The following LTBP1 variants were observed in gnomAD, a reference collection of about 807,000 sequenced individuals.
LTBP1 encodes latent transforming growth factor beta binding protein 1.
LTBP1 carries 129 observed loss-of-function variants against 207.6 expected under a neutral mutation model. The ratio of observed to expected loss-of-function variants is 0.62; its 90% CI spans 0.54 to 0.72. The LOEUF is 0.72. Ranked by LOEUF, LTBP1 falls within the 30% of genes least tolerant of loss-of-function variation. The pLI is 0.00. For missense variants in LTBP1, 2,281 were observed against 2,217.2 expected, an observed-to-expected ratio of 1.03 and a Z score of -0.58; for synonymous variants, 963 against 833.7, an observed-to-expected ratio of 1.16 and a Z score of -2.67.
At chr2:33,372,818 C>G (rs1311327297) in intron 31 of LTBP1, among the ~76,000 whole-genome samples, 2 of 152,106 alleles carry the variant, frequency 1.3e-5, no homozygotes, top group Non-Finnish European at 2.9e-5. Flanking sequence ...GAGCGAAGAT[C>G]GTGCCACTGC....
At chr2:33,253,954 A>C (rs1295654602) in intron 11 of LTBP1, among the ~76,000 whole-genome samples, 1 of 120,102 alleles carries the variant, frequency 8.3e-6, no homozygotes, top group East Asian at 2.7e-4. Flanking sequence ...CAGTTGTGTG[A>C]TCTTGGCTCA....
chr2:33,042,270 A>G (rs1448267503), intron 3 of LTBP1, among the ~76,000 whole-genome samples: 1 of 152,230 alleles, frequency 6.6e-6, no homozygotes, highest in East Asian at 1.9e-4. Context: ...ATTAGGTTTC[A>G]AGTACATTTG....
chr2:33,389,917 C>A (rs2095301034), intron 32 of LTBP1, among the ~76,000 whole-genome samples: 2 of 152,140 alleles, frequency 1.3e-5, no homozygotes, highest in South Asian at 4.2e-4. Flanking sequence ...GGATTACAGG[C>A]ATGAGTCACC....
intron 23 of LTBP1, among the ~76,000 whole-genome samples, chr2:33,314,663 C>T (rs2094239554): frequency 1.3e-5 from 2 of 152,134 alleles, no homozygotes; most frequent in African/African-American, 2.4e-5. Flanking sequence ...TGTGAAGTGC[C>T]ATTTATGAGC....
At chr2:33,220,366 T>C (rs969148714) in intron 8 of LTBP1, among the ~76,000 whole-genome samples, 2 of 152,238 alleles carry the variant, frequency 1.3e-5, no homozygotes, top group African/African-American at 4.8e-5. Context: ...GTTCAAACTT[T>C]AGTTTTCAAG....
intron 2 of LTBP1, among the ~76,000 whole-genome samples, chr2:32,965,476 A>C (rs1250020249): frequency 6.6e-6 from 1 of 152,082 alleles, no homozygotes; most frequent in Non-Finnish European, 1.5e-5. Flanking sequence ...TGCCCTGCCT[A>C]CTCATCCCTC....
Position 33,262,782 on chromosome 2 carries a change from C to T in LTBP1, c.2479C>T (p.Pro827Ser). Reference protein sequence around the residue: ...KLEPGQPQLSPGISTIHLHPQ... With the variant: ...KLEPGQPQLSSGISTIHLHPQ... ...TGAGCCTGGTCAACCCCAGCTGTCT[C>T]CAGGCATTTCCACTATTCATCTGCA... Residue 827 changes from proline to serine, a missense_variant, in exon 14 of 34, where the codon CCA (proline) becomes TCA (serine). Pro to Ser is a moderately conservative substitution (Grantham distance 74). Coordinates refer to ENST00000404816, the MANE Select transcript of LTBP1 (RefSeq NM_206943.4). The T allele has an allele frequency of 6.2e-7, 1 of 1,606,748 alleles. No individual in the cohort carries two copies. The highest frequency in any genetic ancestry group is 8.5e-7 in the Non-Finnish European group (1 of 1,175,546).
At chr2:33,257,829 T>A (rs972501672) in intron 12 of LTBP1, among the ~76,000 whole-genome samples, 1 of 152,258 alleles carries the variant, frequency 6.6e-6, no homozygotes, top group Non-Finnish European at 1.5e-5. Context: ...TAATTTCATT[T>A]CTTGTCTAGA....
rs904269201 is a variant in LTBP1, at chr2:33,236,697, T to C, written c.1877-6965T>C. Among the ~76,000 whole-genome samples the C allele has an allele frequency of 3.9e-5, 6 of 152,296 alleles. No homozygotes were observed. The South Asian group carries it at 1.2e-3, about 32-fold the overall frequency. On this transcript the variant is annotated intron_variant, in intron 9 of 33. Transcript: ENST00000404816. Reference sequence around the variant, plus strand: ...AATGAATGGGAAGATGCCTACTGTATTATGAGTGATGAAGAAAGCCCATGA... The same window carrying C: ...AATGAATGGGAAGATGCCTACTGTACTATGAGTGATGAAGAAAGCCCATGA...
chr2:33,020,748 TC>T (rs1275796622), intron 2 of LTBP1, among the ~76,000 whole-genome samples, 160 bp from the exon 3 acceptor site: 2 of 152,196 alleles, frequency 1.3e-5, no homozygotes, highest in Non-Finnish European at 2.9e-5. Flanking sequence ...TTAGCTCTCT[TC>T]CCCCTCCTCC....
At chr2:33,261,546 G>A (rs2093008980) in intron 13 of LTBP1, among the ~76,000 whole-genome samples, 2 of 141,144 alleles carry the variant, frequency 1.4e-5, no homozygotes, top group South Asian at 2.4e-4. Context: ...GGGATCTATG[G>A]ATATGAAAAA....
chr2:33,278,257 G>T (rs1260945548), intron 18 of LTBP1, among the ~76,000 whole-genome samples: 1 of 152,166 alleles, frequency 6.6e-6, no homozygotes, highest in Non-Finnish European at 1.5e-5. Context: ...GCTTGTAGGA[G>T]AATATTCGGT....
chr2:33,362,761 G>C (rs774354829), intron 28 of LTBP1, among the ~76,000 whole-genome samples: 1 of 152,150 alleles, frequency 6.6e-6, no homozygotes, highest in Non-Finnish European at 1.5e-5. Context: ...TAACACTTTT[G>C]AGTATCTGCT....
At chr2:32,954,017 G>T (rs1025140204) in intron 2 of LTBP1, among the ~76,000 whole-genome samples, 3 of 152,098 alleles carry the variant, frequency 2.0e-5, no homozygotes, top group Non-Finnish European at 4.4e-5. Flanking sequence ...CTTACAGAGA[G>T]CATTTTCTTG....
At chr2:33,347,117 CAAAAAAAAAAA>C (rs775058448) in intron 25 of LTBP1, among the ~76,000 whole-genome samples, 4 of 51,992 alleles carry the variant, frequency 7.7e-5, no homozygotes, top group African/African-American at 2.9e-4. Flanking sequence ...GACTCCGTCT[CAAAAAAAAAAA>C]AAAAAAAAAA....
At chr2:33,173,696 C>A (rs1276562089) in intron 5 of LTBP1, among the ~76,000 whole-genome samples, 1 of 150,766 alleles carries the variant, frequency 6.6e-6, no homozygotes, top group South Asian at 2.1e-4. Context: ...GGCAGAGACA[C>A]AACCAAAAAA....
At chr2:33,059,664 C>T (rs2077172005) in intron 3 of LTBP1, among the ~76,000 whole-genome samples, 1 of 152,172 alleles carries the variant, frequency 6.6e-6, no homozygotes, top group South Asian at 2.1e-4. Context: ...GTTACAGATA[C>T]ATACATGTTC....
rs376888626 is a variant in LTBP1 at position 33,252,921 on chromosome 2, C to G, written c.2167+77C>G. 317 of 1,277,030 alleles carry G rather than the reference C, an allele frequency of 2.5e-4. 7 individuals carry two copies. In the South Asian group the frequency reaches 6.5e-3, roughly 26 times the overall value. 79.1% of individuals were successfully genotyped at this position (1,277,030 alleles called of 1,614,324 possible). On this transcript the variant is annotated intron_variant, in intron 11 of 33. Transcript: ENST00000404816. ...ACGGGACAACTTTGGCACCTTGGGT[C>G]ATTTGTGGTTTCTGACTTTAATTTT...
rs183108577 is a variant in LTBP1 at position 33,308,375 on chromosome 2, A to G, written c.3482-1059A>G. ...CATTTTTAAACATTTTTTAAAATCC[A>G]GGCTACCTCAAACCTGTTTGTTACA... On this transcript the variant is annotated intron_variant, in intron 22 of 33. Coordinates refer to ENST00000404816, the MANE Select transcript of LTBP1 (RefSeq NM_206943.4). 3.4e-4 allele frequency among the ~76,000 whole-genome samples: 52 copies of G among 152,336 alleles called. No homozygotes were observed. The South Asian group carries it at 7.0e-3, about 21-fold the overall frequency.
Sources: allele counts gnomAD v4.1 joint callset (sites outside exome capture counted in the v4.1 genomes callset), GRCh38; gene constraint gnomAD v4.1.1; transcripts MANE v1.5; gene names NCBI Gene and HGNC (gene_info 2026-07-23, HGNC 2026-07-21).